The following PRKAG2 variants were observed in gnomAD, a reference collection of about 807,000 sequenced individuals.
The protein encoded by PRKAG2 is protein kinase AMP-activated non-catalytic subunit gamma 2, also known as 5'-AMP-activated protein kinase subunit gamma-2.
Under a neutral mutation model 69.6 loss-of-function variants are expected in PRKAG2, and 26 were observed. That is an observed-to-expected ratio of 0.37 (90% CI 0.27 to 0.52). The LOEUF is 0.52. PRKAG2 is among the 20% of genes least tolerant of loss of function. The pLI is 0.90. For missense variants in PRKAG2, 557 were observed against 740.0 expected (o/e 0.75, Z 2.87); for synonymous variants, 293 against 285.0 (o/e 1.03, Z -0.28).
intron 5 of PRKAG2, among the ~76,000 whole-genome samples, chr7:151,603,573 A>C (rs1460642027): frequency 7.1e-5 from 8 of 112,226 alleles, no homozygotes; most frequent in Admixed American, 8.9e-5. Context: ...ACGGAGGGAC[A>C]CGCTCCGTCC....
chr7:151,638,410 G>A lies in PRKAG2; in HGVS notation c.685-6272C>T, dbSNP rs1352720387. On this transcript the variant is annotated intron_variant, in intron 4 of 15. Transcript: ENST00000287878. This position sits in a 1 kb window ranked among gnomAD's most constrained non-coding sequence, Gnocchi z 4.3. ...AGCACTTTGGGAGGCCGAGGCGGGCGGATCACAAGGTCAGGAGATCGAGAC... is the reference window on the plus strand; with the variant it reads ...AGCACTTTGGGAGGCCGAGGCGGGCAGATCACAAGGTCAGGAGATCGAGAC... Among the ~76,000 whole-genome samples, 1 of 152,130 alleles carries A rather than the reference G, an allele frequency of 6.6e-6. No individual in the cohort carries two copies. The highest frequency in any genetic ancestry group is 6.5e-5 in the Admixed American group (1 of 15,272).
Position 151,777,380 on chromosome 7 carries a change from T to C in PRKAG2, c.466+3772A>G, listed in dbSNP as rs749528315. 2.6e-5 allele frequency among the ~76,000 whole-genome samples: 4 copies of C among 152,164 alleles called. No individual in the cohort carries two copies. Among genetic ancestry groups the C allele is most frequent in the Admixed American group, 6.5e-5 (1 of 15,290 alleles). ...TTTCTTCCCCGCTCTCAGGTTGAAA[T>C]TGGATCCCCGGTGTTGGAGGTGGGG... On this transcript the variant is annotated intron_variant, in intron 3 of 15. Coordinates refer to ENST00000287878, the MANE Select transcript of PRKAG2 (RefSeq NM_016203.4). The surrounding 1 kb of genome is among the most constrained non-coding windows in gnomAD (Gnocchi z 4.3).
chr7:151,860,398 C>A (rs939993093), intron 1 of PRKAG2, among the ~76,000 whole-genome samples: 2 of 152,212 alleles, frequency 1.3e-5, no homozygotes, highest in African/African-American at 4.8e-5. Context: ...CTTGCCCACC[C>A]CCTCTCCTCC....
Position 151,565,725 on chromosome 7 carries a change from T to C in PRKAG2, c.1394A>G (p.Glu465Gly). Reference sequence around the variant, plus strand: ...TCAGCGCCAAACACACAAACCTGACTCATCCACAACAGGCAGAGCTGATAT... The same window carrying C: ...TCAGCGCCAAACACACAAACCTGACCCATCCACAACAGGCAGAGCTGATAT... ...RRISALPVVD[E>G]SGKVVDIYSK... Residue 465 changes from glutamate (E) to glycine (G), a missense_variant, in exon 12 of 16, where the codon GAG (glutamate) becomes GGG (glycine). Physicochemically the swap from Glu to Gly is moderately conservative, Grantham distance 98. This residue lies in a region of PRKAG2 where 205 missense variants were observed against 383.4 expected (regional missense o/e 0.53). Transcript: ENST00000287878. 1 of 1,613,464 alleles carries C rather than the reference T, an allele frequency of 6.2e-7. No individual in the cohort carries two copies. Among genetic ancestry groups the C allele is most frequent in the Non-Finnish European group, 8.5e-7 (1 of 1,179,394 alleles).
intron 3 of PRKAG2, among the ~76,000 whole-genome samples, chr7:151,752,900 G>C (rs2074802882): frequency 1.3e-5 from 2 of 152,252 alleles, no homozygotes; most frequent in Non-Finnish European, 1.5e-5. Flanking sequence ...TATTAAAGTA[G>C]AGAACTTTAT....
At position 151,627,231 on chromosome 7, in the gene PRKAG2, G is replaced by T. The variant is rs1178652415; in HGVS notation, c.754+4838C>A. ...CAGATCTGGGCCTGAATCCCGAGAT[G>T]CCTCACTGAAAGACAATGCTTTCTT... On this transcript the variant is annotated intron_variant, in intron 5 of 15. Transcript: ENST00000287878. 2.0e-5 allele frequency among the ~76,000 whole-genome samples: 3 copies of T among 152,166 alleles called. No individual in the cohort carries two copies. The South Asian group carries it at 6.2e-4, about 32-fold the overall frequency.
rs1016889832 is a variant in PRKAG2 at position 151,780,337 on chromosome 7, G to T, written c.466+815C>A. ...GTATTGCCAGTCTTTCTGAGTAAAAGTCAGCCTGGAGAGAAAGGTGAACTA... is the reference window on the plus strand; with the variant it reads ...GTATTGCCAGTCTTTCTGAGTAAAATTCAGCCTGGAGAGAAAGGTGAACTA... On this transcript the variant is annotated intron_variant, in intron 3 of 15. Transcript: ENST00000287878. This position sits in a 1 kb window ranked among gnomAD's most constrained non-coding sequence, Gnocchi z 4.2. 6.6e-6 allele frequency among the ~76,000 whole-genome samples: 1 copy of T among 152,228 alleles called. No homozygotes were observed. The highest frequency in any genetic ancestry group is 2.4e-5 in the African/African-American group (1 of 41,456).
intron 3 of PRKAG2, among the ~76,000 whole-genome samples, chr7:151,711,336 C>G (rs958459150): frequency 4.7e-5 from 7 of 149,244 alleles, no homozygotes; most frequent in African/African-American, 1.8e-4. Context: ...GGGTGCTAGG[C>G]TTAGAGTACT....
chr7:151,805,942 T>C (rs1380091237), intron 1 of PRKAG2, among the ~76,000 whole-genome samples: 2 of 152,232 alleles, frequency 1.3e-5, no homozygotes, highest in Admixed American at 6.5e-5. Flanking sequence ...CTCACGCCTA[T>C]AGTCCAAGCA....
intron 1 of PRKAG2, among the ~76,000 whole-genome samples, chr7:151,853,624 G>C (rs908377190): frequency 2.6e-5 from 4 of 152,042 alleles, no homozygotes; most frequent in Non-Finnish European, 5.9e-5. Flanking sequence ...GCCAGGCGTG[G>C]TGGCGGGTGC....
chr7:151,630,246 A>G (rs1304337520), intron 5 of PRKAG2, among the ~76,000 whole-genome samples: 1 of 152,226 alleles, frequency 6.6e-6, no homozygotes, highest in Non-Finnish European at 1.5e-5. Context: ...AAAAGAGTGT[A>G]TATCTGCTTA....
chr7:151,755,049 C>G (rs2074987165), intron 3 of PRKAG2, among the ~76,000 whole-genome samples: 1 of 152,132 alleles, frequency 6.6e-6, no homozygotes, highest in Non-Finnish European at 1.5e-5. Context: ...CCGTGAAGCC[C>G]CGACAGAGAG....
At chr7:151,701,460 G>A (rs112438812) in intron 3 of PRKAG2, among the ~76,000 whole-genome samples, 1,839 of 152,244 alleles carry the variant, frequency 0.012, 32 homozygotes, top group African/African-American at 0.043. Context: ...TCCAGTGGCC[G>A]GTGTCTTTAT....
At chr7:151,587,114 C>A (rs1811870857) in intron 6 of PRKAG2, among the ~76,000 whole-genome samples, 1 of 152,142 alleles carries the variant, frequency 6.6e-6, no homozygotes, top group Non-Finnish European at 1.5e-5. Flanking sequence ...GAACTCCAGC[C>A]TGGGCGACAG....
intron 3 of PRKAG2, among the ~76,000 whole-genome samples, chr7:151,776,684 C>CCACA (rs1231003643): frequency 2.6e-5 from 4 of 152,246 alleles, no homozygotes; most frequent in African/African-American, 7.2e-5. Context: ...AGCTCACAGA[C>CCACA]CACACTCAGG....
Position 151,570,151 on chromosome 7 carries a change from G to T in PRKAG2, c.1106+20C>A. On this transcript the variant is annotated intron_variant, in intron 10 of 15. Transcript: ENST00000287878. The stretch of plus-strand genomic sequence containing the variant: ...ATACATCTGAATGAATGTTTTCAAA[G>T]AAAAAAAAAACAAGTTTACCTTGCA... 1 of 1,417,498 alleles carries T rather than the reference G, an allele frequency of 7.1e-7. No homozygotes were observed. The highest frequency in any genetic ancestry group is 9.6e-7 in the Non-Finnish European group (1 of 1,042,572). 87.8% of individuals were successfully genotyped at this position (1,417,498 alleles called of 1,614,324 possible).
intron 1 of PRKAG2, among the ~76,000 whole-genome samples, chr7:151,803,937 CA>C (rs71198732): frequency 0.092 from 9,881 of 106,916 alleles, 288 homozygotes; most frequent in South Asian, 0.13. Context: ...GACTATGTCT[CA>C]AAAAAAAAAA....
At chr7:151,802,593 T>A (rs2077895990) in intron 1 of PRKAG2, among the ~76,000 whole-genome samples, 1 of 152,304 alleles carries the variant, frequency 6.6e-6, no homozygotes, top group African/African-American at 2.4e-5. Context: ...AAGGGCAGAA[T>A]CAAAAGATCA....
At chr7:151,579,554 T>A (rs991955132) in intron 6 of PRKAG2, among the ~76,000 whole-genome samples, 5 of 152,078 alleles carry the variant, frequency 3.3e-5, no homozygotes, top group Admixed American at 2.0e-4. Context: ...CTGGAGTGCA[T>A]CAACACGGGG....
Sources: allele counts gnomAD v4.1 joint callset (sites outside exome capture counted in the v4.1 genomes callset), GRCh38; gene constraint gnomAD v4.1.1; regional missense constraint gnomAD v4.1.1; non-coding constraint Gnocchi (gnomAD v3.1); transcripts MANE v1.5; gene names NCBI Gene and HGNC (gene_info 2026-07-23, HGNC 2026-07-21).